The following SYNCRIP variants were observed in gnomAD, a reference collection of about 807,000 sequenced individuals.
SYNCRIP encodes the protein heterogeneous nuclear ribonucleoprotein Q.
Under a neutral mutation model 68.9 loss-of-function variants are expected in SYNCRIP, and 9 were observed. The ratio of observed to expected loss-of-function variants is 0.13; its 90% CI spans 0.08 to 0.23. The LOEUF is 0.23. Ranked by LOEUF, SYNCRIP falls within the 10% of genes least tolerant of loss-of-function variation. The pLI is 1.00. For missense variants in SYNCRIP, 414 were observed against 770.6 expected (o/e 0.54, Z 5.48); for synonymous variants, 258 against 254.0 (o/e 1.02, Z -0.15).
chr6:85,627,109 A>C (rs1200932841), intron 6 of SYNCRIP, among the ~76,000 whole-genome samples: 1 of 151,992 alleles, frequency 6.6e-6, no homozygotes, highest in African/African-American at 2.4e-5. Context: ...CTACTAAAAC[A>C]CAAAAGAAAT....
intron 10 of SYNCRIP, among the ~76,000 whole-genome samples, chr6:85,616,437 T>G (rs553262221): frequency 1.3e-5 from 2 of 152,160 alleles, no homozygotes; most frequent in East Asian, 3.9e-4. Flanking sequence ...GTGATTCTCC[T>G]GCCACAGCCT....
At chr6:85,639,101 G>A (rs1016789534) in intron 4 of SYNCRIP, among the ~76,000 whole-genome samples, 7 of 152,068 alleles carry the variant, frequency 4.6e-5, no homozygotes, top group East Asian at 3.9e-4. Flanking sequence ...CCAGCTACTC[G>A]GGAGGCTGAG....
intron 8 of SYNCRIP, among the ~76,000 whole-genome samples, chr6:85,620,018 G>A (rs1268400684): frequency 6.6e-6 from 1 of 152,204 alleles, no homozygotes; most frequent in Non-Finnish European, 1.5e-5. Context: ...AGGCTGAGGC[G>A]GGCAGATCAC....
At chr6:85,621,186 T>G (rs1377502002) in intron 8 of SYNCRIP, among the ~76,000 whole-genome samples, 2 of 152,236 alleles carry the variant, frequency 1.3e-5, no homozygotes, top group Admixed American at 6.5e-5. Flanking sequence ...GAATCCTAAC[T>G]ATTTTCTCTT....
intron 4 of SYNCRIP, among the ~76,000 whole-genome samples, chr6:85,638,432 A>G (rs2128302463): frequency 6.9e-6 from 1 of 145,590 alleles, no homozygotes; most frequent in African/African-American, 2.5e-5. Flanking sequence ...CATTATCTGA[A>G]GGAAAAAGTC....
At chr6:85,631,062 G>A (rs189537900) in intron 6 of SYNCRIP, among the ~76,000 whole-genome samples, 47 of 152,168 alleles carry the variant, frequency 3.1e-4, no homozygotes, top group Admixed American at 2.7e-3. Flanking sequence ...CCATGGCTTG[G>A]CTGGGCACGG....
In SYNCRIP at chr6:85,641,762, G is replaced by T. The variant is rs1319067537; in HGVS notation, c.-12-311C>A. Among the ~76,000 whole-genome samples the T allele has an allele frequency of 3.9e-5, 6 of 152,252 alleles. 1 individual carries two copies. In the South Asian group the frequency reaches 8.3e-4, roughly 21 times the overall value. On this transcript the variant is annotated intron_variant, in intron 1 of 10. Transcript: ENST00000369622. ...CAGCGTGCCACATGCAGCTGTGCCC[G>T]TTCGGAAAATGAGGTGTGTGTGGAG...
chr6:85,630,001 A>G (rs1306695706), intron 6 of SYNCRIP, among the ~76,000 whole-genome samples: 1 of 151,442 alleles, frequency 6.6e-6, no homozygotes, highest in Admixed American at 6.6e-5. Context: ...AAAAAGCTGT[A>G]TACACATCAT....
intron 7 of SYNCRIP, among the ~76,000 whole-genome samples, chr6:85,623,570 A>AAAAAAAAAAAAAAAAAAAAAAC: frequency 1.3e-5 from 2 of 150,636 alleles, no homozygotes; most frequent in Admixed American, 6.6e-5. Flanking sequence ...TCCAAAAAAA[A>AAAAAAAAAAAAAAAAAAAAAAC]AAAAAAAAAA....
At chr6:85,624,225 C>T in intron 6 of SYNCRIP, 113 bp from the exon 7 acceptor site, 1 of 1,020,570 alleles carries the variant, frequency 9.8e-7, no homozygotes, top group Non-Finnish European at 1.4e-6. Flanking sequence ...TACCTTAATT[C>T]CCATACAAGG....
intron 4 of SYNCRIP, among the ~76,000 whole-genome samples, chr6:85,639,805 CCATACTGATGGAA>C (rs1462124927): frequency 3.3e-5 from 5 of 152,074 alleles, no homozygotes; most frequent in Non-Finnish European, 7.4e-5. Context: ...GTCTAATAAT[CCATACTGATGGAA>C]GTGGAGGGCA....
chr6:85,640,552 T>A lies in SYNCRIP; in HGVS notation c.161A>T (p.His54Leu). 2.5e-6 allele frequency: 4 copies of A among 1,580,068 alleles called. No homozygotes were observed. The highest frequency in any genetic ancestry group is 3.4e-6 in the Non-Finnish European group (4 of 1,167,628). Residue 54 changes from histidine to leucine, a missense_variant, in exon 3 of 11, where the codon CAT becomes CTT. Transcript: ENST00000369622. ...DEIYVAGLVA[H>L]SDLDERAIEA... ...AATAGCTCTTTCATCTAAATCACTA[T>A]GTGCAACTAGCCCTGAAAAAAATAA... is the stretch of plus-strand genomic sequence containing the variant.
chr6:85,642,010 C>A (rs1420515026), intron 1 of SYNCRIP, among the ~76,000 whole-genome samples: 1 of 152,024 alleles, frequency 6.6e-6, no homozygotes, highest in East Asian at 1.9e-4. Flanking sequence ...GCCAGGAGCC[C>A]ATTAGAAACA....
At chr6:85,609,060 T>G (rs555580521), downstream of SYNCRIP, 5 of 152,040 alleles carry the variant, frequency 3.3e-5, no homozygotes, top group African/African-American at 1.2e-4. Context: ...CTTTTATGTA[T>G]TTGTCACTTA....
downstream of SYNCRIP, chr6:85,610,481 G>A (rs1686301592): frequency 6.6e-6 from 1 of 151,796 alleles, no homozygotes; most frequent in African/African-American, 2.4e-5. Context: ...ATGCCAAATA[G>A]TCTTGAAAAC....
chr6:85,615,769 C>T (rs1805693565), intron 10 of SYNCRIP, among the ~76,000 whole-genome samples: 1 of 152,130 alleles, frequency 6.6e-6, no homozygotes, highest in African/African-American at 2.4e-5. Flanking sequence ...AAGGTCACAT[C>T]ACTGCACTCC....
chr6:85,634,665 A>C (rs1431803211), intron 6 of SYNCRIP, among the ~76,000 whole-genome samples: 1 of 152,018 alleles, frequency 6.6e-6, no homozygotes, highest in Non-Finnish European at 1.5e-5. Context: ...CAGTAGAGAG[A>C]GCCCACTGTA....
Position 85,614,303 on chromosome 6 carries a change from A to C in SYNCRIP, c.*453T>G, listed in dbSNP as rs1399434762. 61 of 986,332 alleles carry C rather than the reference A, an allele frequency of 6.2e-5. No individual in the cohort carries two copies. The highest frequency in any genetic ancestry group is 7.2e-5 in the Non-Finnish European group (60 of 830,310). The allele number at this position is 986,332 out of a possible 1,614,324, so 61.1% of individuals were successfully genotyped here. The stretch of plus-strand genomic sequence containing the variant: ...GGTTTTGAAAACCCAAATTAGGTCA[A>C]AGTTCTAAATTAAAAATAGCAGTTG... On this transcript the variant is annotated 3_prime_UTR_variant, in exon 11 of 11. Transcript: ENST00000369622.
At chr6:85,631,339 C>CAAAAAAAAAAAA (rs71003000) in intron 6 of SYNCRIP, among the ~76,000 whole-genome samples, 1,254 of 91,412 alleles carry the variant, frequency 0.014, 29 homozygotes, top group East Asian at 0.065. Context: ...ACTGTGTCTC[C>CAAAAAAAAAAAA]AAAAAAAAAA....
Sources: gnomAD v4.1 joint callset for allele counts (sites outside exome capture counted in the v4.1 genomes callset) on GRCh38, gnomAD v4.1.1 for gene constraint, MANE v1.5 for transcripts, NCBI Gene and HGNC (gene_info 2026-07-23, HGNC 2026-07-21) for gene names.